LGR5: variants seen among roughly 807,000 people sequenced by gnomAD.
LGR5 encodes the protein leucine-rich repeat-containing G protein-coupled receptor 5.
Under a neutral mutation model 76.7 loss-of-function variants are expected in LGR5, and 54 were observed. That is an observed-to-expected ratio of 0.70 (90% CI 0.57 to 0.88). The LOEUF is 0.88. Among genes scored for constraint, LGR5 ranks in the 40% least tolerant of loss-of-function variants. The probability of loss-of-function intolerance (pLI) is 0.00; values close to 1 mark genes in which losing one functional copy is unlikely to be tolerated. For synonymous variants in LGR5, 406 were observed against 421.9 expected (o/e 0.96, Z 0.46); for missense variants, 1,078 against 1,073.3 (o/e 1.00, Z -0.06).
rs550879126 is a variant in LGR5, at chr12:71,538,301, C to G, written c.428+3115C>G. On this transcript the variant is annotated intron_variant, in intron 4 of 17. Transcript: ENST00000266674. Reference sequence around the variant, plus strand: ...GCTGAAGTGGGAGGATCACTTGAACCCAGGAGTTTGAGACCAGCTTGGACA... The same window carrying G: ...GCTGAAGTGGGAGGATCACTTGAACGCAGGAGTTTGAGACCAGCTTGGACA... Among the ~76,000 whole-genome samples, 19 of 152,054 alleles carry G rather than the reference C, an allele frequency of 1.2e-4. 1 individual carries two copies. Among genetic ancestry groups the G allele is most frequent in the African/African-American group, 4.1e-4 (17 of 41,468 alleles).
chr12:71,474,428 A>G (rs1873237645), intron 1 of LGR5, among the ~76,000 whole-genome samples: 1 of 152,234 alleles, frequency 6.6e-6, no homozygotes, highest in Non-Finnish European at 1.5e-5. Flanking sequence ...AATTACTAAA[A>G]TATTCCTATA....
intron 5 of LGR5, 90 bp from the exon 6 acceptor site, chr12:71,556,529 A>C (rs1877773332): frequency 1.2e-6 from 1 of 860,450 alleles, no homozygotes; most frequent in African/African-American, 1.7e-5. Context: ...TGCATTCTTC[A>C]GTATATGTTT....
At chr12:71,583,528 T>C in intron 17 of LGR5, 119 bp from the exon 18 acceptor site, 21 of 1,156,766 alleles carry the variant, frequency 1.8e-5, no homozygotes, top group Non-Finnish European at 2.6e-5. Context: ...CACTGTGTGT[T>C]ATTAGGCTGT....
rs1273563931 is a variant in LGR5, at chr12:71,584,361, T to A, written c.2351T>A (p.Phe784Tyr). ...TGCATCCTAAACTGCCCTGTGGCTT[T>A]CTTGTCCTTCTCCTCTTTAATAAAC... ...TNCILNCPVAFLSFSSLINLT... is the reference protein window; with the variant it reads ...TNCILNCPVAYLSFSSLINLT... Residue 784 changes from phenylalanine to tyrosine, a missense_variant, in exon 18 of 18, where the codon TTC (phenylalanine) becomes TAC (tyrosine). Physicochemically the swap from Phe to Tyr is conservative, Grantham distance 22. Coordinates refer to ENST00000266674, the MANE Select transcript of LGR5 (RefSeq NM_003667.4). The A allele has an allele frequency of 6.2e-7, 1 of 1,614,104 alleles. No individual in the cohort carries two copies. Among genetic ancestry groups the A allele is most frequent in the African/African-American group, 1.3e-5 (1 of 74,936 alleles).
chr12:71,574,622 T>C (rs891017972), intron 13 of LGR5, among the ~76,000 whole-genome samples: 2 of 152,200 alleles, frequency 1.3e-5, no homozygotes, highest in Admixed American at 1.3e-4. Flanking sequence ...ATTTCCCTGT[T>C]GTCTTCAAGA....
At chr12:71,461,168 C>T (rs1397810211) in intron 1 of LGR5, among the ~76,000 whole-genome samples, 4 of 152,146 alleles carry the variant, frequency 2.6e-5, no homozygotes, top group African/African-American at 7.2e-5. Context: ...GTCTGCCCTG[C>T]CCCCTTCCCT....
chr12:71,575,735 T>C lies in LGR5; in HGVS notation c.1209-2190T>C, dbSNP rs558508890. On this transcript the variant is annotated intron_variant, in intron 13 of 17. Coordinates refer to ENST00000266674, the MANE Select transcript of LGR5 (RefSeq NM_003667.4). ...CAAAAAATATATATGTGTGTGTGTG[T>C]GTGTGTGTGTGTGTGTGTGTGTGTA... Among the ~76,000 whole-genome samples, 1,346 of 150,762 alleles carry C rather than the reference T, an allele frequency of 8.9e-3. 20 individuals carry two copies. The highest frequency in any genetic ancestry group is 0.031 in the African/African-American group (1,264 of 40,846).
At chr12:71,483,756 G>T (rs1873709139) in intron 1 of LGR5, among the ~76,000 whole-genome samples, 2 of 152,080 alleles carry the variant, frequency 1.3e-5, no homozygotes, top group Admixed American at 1.3e-4. Context: ...GGTTGCATGT[G>T]TGTGTTTGTG....
intron 12 of LGR5, among the ~76,000 whole-genome samples, chr12:71,572,113 T>G (rs973963580): frequency 4.7e-5 from 7 of 149,360 alleles, no homozygotes; most frequent in African/African-American, 1.5e-4. Context: ...AGATGGAGTC[T>G]CGCTCTGTCG....
chr12:71,529,219 C>A (rs1371764329), intron 3 of LGR5, among the ~76,000 whole-genome samples: 3 of 152,164 alleles, frequency 2.0e-5, no homozygotes, highest in African/African-American at 7.2e-5. Flanking sequence ...CTGTAAAGAA[C>A]TACCTGAGAC....
intron 3 of LGR5, among the ~76,000 whole-genome samples, chr12:71,525,328 C>T (rs926705188): frequency 2.6e-5 from 4 of 152,078 alleles, no homozygotes; most frequent in Admixed American, 6.6e-5. Flanking sequence ...TGAAATTCAA[C>T]AGCAGAACCG....
intron 2 of LGR5, among the ~76,000 whole-genome samples, chr12:71,507,511 T>C (rs939843568): frequency 6.6e-6 from 1 of 152,196 alleles, no homozygotes; most frequent in African/African-American, 2.4e-5. Context: ...GATATTCAGG[T>C]TATTAATCTA....
intron 2 of LGR5, among the ~76,000 whole-genome samples, chr12:71,520,019 C>A (rs933466755): frequency 5.3e-5 from 8 of 151,486 alleles, no homozygotes; most frequent in Non-Finnish European, 1.0e-4. Context: ...TGCATAGAAC[C>A]ACCATTTGAC....
At chr12:71,529,710 C>A (rs1876203566) in intron 3 of LGR5, among the ~76,000 whole-genome samples, 1 of 152,116 alleles carries the variant, frequency 6.6e-6, no homozygotes. Context: ...AATCCCAGCA[C>A]TTTGGAAGGC....
chr12:71,480,153 C>G (rs1263765539), intron 1 of LGR5, among the ~76,000 whole-genome samples: 1 of 151,936 alleles, frequency 6.6e-6, no homozygotes, highest in African/African-American at 2.4e-5. Context: ...CACTTGAGGT[C>G]AGGAGTTCGA....
intron 1 of LGR5, among the ~76,000 whole-genome samples, chr12:71,463,267 C>T (rs892823792): frequency 6.6e-6 from 1 of 152,166 alleles, no homozygotes; most frequent in African/African-American, 2.4e-5. Flanking sequence ...ATTAAGACTG[C>T]TGGCTTGCAC....
chr12:71,583,561 T>A, intron 17 of LGR5, 86 bp from the exon 18 acceptor site: 1 of 1,450,536 alleles, frequency 6.9e-7, no homozygotes, highest in Non-Finnish European at 9.4e-7. Context: ...TCTCTTGGCA[T>A]CCTAAATAAA....
intron 11 of LGR5, among the ~76,000 whole-genome samples, chr12:71,570,345 G>C (rs919037169): frequency 1.3e-5 from 2 of 152,024 alleles, no homozygotes; most frequent in African/African-American, 2.4e-5. Context: ...AAAGTGCTTG[G>C]TCAGTGTTAG....
chr12:71,453,404 T>G (rs746699484), intron 1 of LGR5, among the ~76,000 whole-genome samples: 1 of 151,954 alleles, frequency 6.6e-6, no homozygotes, highest in African/African-American at 2.4e-5. Context: ...ACTCCTCAGA[T>G]AGAATTTAAT....
Sources: gnomAD v4.1 joint callset for allele counts (sites outside exome capture counted in the v4.1 genomes callset) on GRCh38, gnomAD v4.1.1 for gene constraint, MANE v1.5 for transcripts, NCBI Gene and HGNC (gene_info 2026-07-23, HGNC 2026-07-21) for gene names.